The following SLC12A8 variants were observed in gnomAD, a reference collection of about 807,000 sequenced individuals.
SLC12A8 encodes solute carrier family 12 member 8.
A neutral mutation model predicts 75.6 loss-of-function variants in SLC12A8; 69 were observed. That is an observed-to-expected ratio of 0.91 (90% CI 0.75 to 1.11). The LOEUF (loss-of-function observed/expected upper bound fraction) is 1.11. Among genes scored for constraint, SLC12A8 ranks in the 50% most tolerant of loss-of-function variants. SLC12A8 has a pLI of 0.00. For missense variants in SLC12A8, 877 were observed against 896.7 expected, an observed-to-expected ratio of 0.98 and a Z score of 0.28; for synonymous variants, 365 against 372.8, an observed-to-expected ratio of 0.98 and a Z score of 0.24.
intron 5 of SLC12A8, among the ~76,000 whole-genome samples, chr3:125,137,184 G>A (rs1037486481): frequency 4.6e-5 from 7 of 152,146 alleles, no homozygotes; most frequent in East Asian, 1.9e-4. Context: ...GAGGTCGCCC[G>A]CACTTCACAC....
In SLC12A8 at chr3:125,128,831, G is replaced by C. The variant is rs376664259; in HGVS notation, c.736+6838C>G. Among the ~76,000 whole-genome samples the C allele has an allele frequency of 1.4e-4, 22 of 152,252 alleles. No individual in the cohort carries two copies. In the East Asian group the frequency reaches 2.5e-3, roughly 17 times the overall value. ...CACATAACTTGTGAGGAGACCCAGGGGACGCCTAGGAGGGGGGAATGGGGG... is the reference window on the plus strand; with the variant it reads ...CACATAACTTGTGAGGAGACCCAGGCGACGCCTAGGAGGGGGGAATGGGGG... On this transcript the variant is annotated intron_variant, in intron 6 of 13. Transcript: ENST00000469902.
intron 5 of SLC12A8, among the ~76,000 whole-genome samples, chr3:125,146,188 G>A (rs543310508): frequency 6.8e-4 from 103 of 152,296 alleles, no homozygotes; most frequent in African/African-American, 2.4e-3. Flanking sequence ...GTTGACCGTG[G>A]ATAGCTGCAA....
intron 10 of SLC12A8, among the ~76,000 whole-genome samples, chr3:125,104,489 T>C (rs796694680): frequency 9.8e-5 from 9 of 91,996 alleles, no homozygotes; most frequent in African/African-American, 4.0e-4. Context: ...AGAACAAAAA[T>C]AGATGATGTT....
chr3:125,096,682 C>T (rs556845591), intron 10 of SLC12A8, among the ~76,000 whole-genome samples: 13 of 152,190 alleles, frequency 8.5e-5, no homozygotes, highest in Admixed American at 7.2e-4. Flanking sequence ...GTATAGGAAG[C>T]GCTCAGTAAA....
intron 8 of SLC12A8, among the ~76,000 whole-genome samples, chr3:125,113,125 G>T (rs555956603): frequency 6.6e-6 from 1 of 152,280 alleles, no homozygotes; most frequent in African/African-American, 2.4e-5. Flanking sequence ...TCCTAGTGTT[G>T]GACTGACCTC....
At chr3:125,113,293 G>T (rs1333500054) in intron 8 of SLC12A8, among the ~76,000 whole-genome samples, 4 of 152,136 alleles carry the variant, frequency 2.6e-5, no homozygotes, top group Admixed American at 6.5e-5. Flanking sequence ...TTTGTCAATT[G>T]TGTAGAATGA....
chr3:125,163,542 T>C (rs994923261), intron 5 of SLC12A8, among the ~76,000 whole-genome samples: 18 of 147,492 alleles, frequency 1.2e-4, no homozygotes, highest in African/African-American at 4.3e-4. Flanking sequence ...GAGCTTGGAG[T>C]GAGCTGAGAT....
intron 2 of SLC12A8, among the ~76,000 whole-genome samples, chr3:125,196,050 T>C (rs1251943124): frequency 6.6e-6 from 1 of 152,230 alleles, no homozygotes; most frequent in African/African-American, 2.4e-5. Context: ...GGTGCTTCAG[T>C]GGATCAGCCA....
chr3:125,099,492 A>T (rs1021038463), intron 10 of SLC12A8, among the ~76,000 whole-genome samples: 1 of 152,206 alleles, frequency 6.6e-6, no homozygotes, highest in Non-Finnish European at 1.5e-5. Context: ...GAGTAGGTTC[A>T]TGTGTTGTAT....
At position 125,083,727 on chromosome 3, in the gene SLC12A8, A is replaced by G. The variant is rs1938386500; in HGVS notation, c.*163T>C. On this transcript the variant is annotated 3_prime_UTR_variant, in exon 14 of 14. Transcript: ENST00000469902. ...ACAGGGCGAGACTCTGTCTCAAAAAAAAAAAAAAAGGGAAAAGAAAATGTA... is the reference window on the plus strand; with the variant it reads ...ACAGGGCGAGACTCTGTCTCAAAAAGAAAAAAAAAGGGAAAAGAAAATGTA... 2.6e-6 allele frequency: 2 copies of G among 780,492 alleles called. No individual in the cohort carries two copies. The highest frequency in any genetic ancestry group is 4.1e-5 in the South Asian group (2 of 49,044). The allele number at this position is 780,492 out of a possible 1,614,324, so 48.3% of individuals were successfully genotyped here.
At chr3:125,161,019 AGG>A (rs10576403) in intron 5 of SLC12A8, among the ~76,000 whole-genome samples, 7,625 of 152,250 alleles carry the variant, frequency 0.05, 632 homozygotes, top group African/African-American at 0.17. Flanking sequence ...GCAGGGAGAG[AGG>A]GAGGTCAGTC....
At chr3:125,200,941 C>G (rs1007038500) in intron 2 of SLC12A8, among the ~76,000 whole-genome samples, 2 of 152,156 alleles carry the variant, frequency 1.3e-5, no homozygotes, top group Non-Finnish European at 2.9e-5. Context: ...GCTCCTAAAG[C>G]CTGTAACCAG....
At chr3:125,187,794 G>T (rs770457052) in intron 3 of SLC12A8, among the ~76,000 whole-genome samples, 1 of 147,276 alleles carries the variant, frequency 6.8e-6, no homozygotes, top group Non-Finnish European at 1.5e-5. Flanking sequence ...TGCCTGGAAG[G>T]CCTCTCCTGC....
At chr3:125,173,283 G>A (rs752406244) in intron 5 of SLC12A8, among the ~76,000 whole-genome samples, 1 of 151,918 alleles carries the variant, frequency 6.6e-6, no homozygotes, top group Non-Finnish European at 1.5e-5. Context: ...TAATCAAGAC[G>A]GTATGGTATT....
chr3:125,170,730 C>T (rs540351305), intron 5 of SLC12A8, among the ~76,000 whole-genome samples: 3 of 152,182 alleles, frequency 2.0e-5, no homozygotes, highest in East Asian at 3.9e-4. Flanking sequence ...CTGGCTAACA[C>T]GGTGAAATCC....
chr3:125,148,854 G>A (rs1371034764), intron 5 of SLC12A8, among the ~76,000 whole-genome samples: 2 of 152,182 alleles, frequency 1.3e-5, no homozygotes, highest in Admixed American at 6.5e-5. Flanking sequence ...CCCCAAAATG[G>A]TGAAGCCAGA....
chr3:125,117,605 A>G (rs991047494), intron 8 of SLC12A8, among the ~76,000 whole-genome samples: 6 of 152,060 alleles, frequency 3.9e-5, no homozygotes, highest in African/African-American at 1.4e-4. Flanking sequence ...TTAAAAAGTT[A>G]AAATTAAAAT....
intron 5 of SLC12A8, among the ~76,000 whole-genome samples, chr3:125,140,499 C>A (rs961613922): frequency 6.6e-6 from 1 of 152,112 alleles, no homozygotes; most frequent in African/African-American, 2.4e-5. Context: ...CATGGCATCT[C>A]CCCCGGCCCC....
At chr3:125,134,432 G>A (rs1933439414) in intron 6 of SLC12A8, among the ~76,000 whole-genome samples, 1 of 152,088 alleles carries the variant, frequency 6.6e-6, no homozygotes, top group Non-Finnish European at 1.5e-5. Flanking sequence ...TTATTATTGA[G>A]TGGTTTTCTA....
Sources: gnomAD v4.1 joint callset for allele counts (sites outside exome capture counted in the v4.1 genomes callset) on GRCh38, gnomAD v4.1.1 for gene constraint, MANE v1.5 for transcripts, NCBI Gene and HGNC (gene_info 2026-07-23, HGNC 2026-07-21) for gene names.